RGS22: variants seen among roughly 807,000 people sequenced by gnomAD.
The protein encoded by RGS22 is regulator of G protein signaling 22, also known as regulator of G-protein signaling 22.
Under a neutral mutation model 172.9 loss-of-function variants are expected in RGS22, and 148 were observed. That is an observed-to-expected ratio of 0.86 (90% CI 0.75 to 0.98). The LOEUF is 0.98. RGS22 is among the 50% of genes least tolerant of loss of function. RGS22 has a pLI of 0.00. For missense variants in RGS22, 1,347 were observed against 1,440.8 expected (o/e 0.93, Z 1.05); for synonymous variants, 458 against 480.2 (o/e 0.95, Z 0.60).
intron 16 of RGS22, among the ~76,000 whole-genome samples, chr8:100,004,405 G>A (rs954702288): frequency 2.6e-5 from 4 of 151,876 alleles, no homozygotes; most frequent in African/African-American, 9.7e-5. Context: ...GAAGTAAAAT[G>A]TCTTTTGTAA....
chr8:100,075,226 T>C (rs1811266141), intron 4 of RGS22, among the ~76,000 whole-genome samples: 1 of 152,084 alleles, frequency 6.6e-6, no homozygotes, highest in East Asian at 1.9e-4. Context: ...GTGGGAGAGA[T>C]GTCTTGGTCA....
At chr8:100,026,137 T>A (rs1277371966) in intron 14 of RGS22, among the ~76,000 whole-genome samples, 1 of 152,116 alleles carries the variant, frequency 6.6e-6, no homozygotes, top group Non-Finnish European at 1.5e-5. Flanking sequence ...GATTTACTGG[T>A]TTGTACACTA....
At chr8:100,090,382 G>C (rs537989690) in intron 3 of RGS22, among the ~76,000 whole-genome samples, 1 of 152,112 alleles carries the variant, frequency 6.6e-6, no homozygotes, top group African/African-American at 2.4e-5. Flanking sequence ...GCTAGGGGAG[G>C]CAGGAAAGAG....
At chr8:100,053,126 C>A (rs1469694253) in intron 9 of RGS22, 150 bp from the exon 10 acceptor site, 7 of 693,284 alleles carry the variant, frequency 1.0e-5, no homozygotes, top group Middle Eastern at 3.9e-4. Context: ...TACTACATAG[C>A]CTTGAAAAAA....
chr8:100,052,686 T>A, intron 10 of RGS22, 116 bp downstream of exon 10: 1 of 962,760 alleles, frequency 1.0e-6, no homozygotes. Context: ...TTGCAGCTTG[T>A]ACATTAGCAA....
At chr8:99,998,071 AT>A (rs1319188719) in intron 19 of RGS22, among the ~76,000 whole-genome samples, 1 of 152,070 alleles carries the variant, frequency 6.6e-6, no homozygotes, top group Non-Finnish European at 1.5e-5. Context: ...TTTTAATCTC[AT>A]TTTTTAAGGA....
chr8:100,100,228 T>C (rs1325423535), intron 2 of RGS22, among the ~76,000 whole-genome samples: 2 of 152,152 alleles, frequency 1.3e-5, no homozygotes, highest in Admixed American at 1.3e-4. Flanking sequence ...CAATACCTAA[T>C]ACAATGTAAA....
At chr8:100,094,764 C>T (rs1812836554) in intron 2 of RGS22, among the ~76,000 whole-genome samples, 2 of 152,274 alleles carry the variant, frequency 1.3e-5, no homozygotes, top group South Asian at 4.1e-4. Context: ...CAAACTTTAC[C>T]TTTCAAAGTT....
At chr8:100,060,421 TACAC>T (rs1554629643) in intron 9 of RGS22, among the ~76,000 whole-genome samples, 71 of 119,428 alleles carry the variant, frequency 5.9e-4, no homozygotes, top group East Asian at 1.4e-3. Context: ...TATATATATA[TACAC>T]ACACACACAC....
intron 1 of RGS22, 193 bp downstream of exon 1, chr8:100,105,704 G>C (rs959913849): frequency 3.6e-6 from 2 of 559,782 alleles, no homozygotes; most frequent in African/African-American, 4.0e-5. Flanking sequence ...GCGAGATAAC[G>C]TGGTGCCAGC....
At chr8:99,978,644 A>T (rs530862207) in intron 22 of RGS22, among the ~76,000 whole-genome samples, 2 of 152,338 alleles carry the variant, frequency 1.3e-5, no homozygotes, top group African/African-American at 4.8e-5. Context: ...AAAAAGCAGA[A>T]CGGTATCCTG....
chr8:100,008,100 C>T (rs745558242), intron 15 of RGS22, among the ~76,000 whole-genome samples: 6 of 150,356 alleles, frequency 4.0e-5, no homozygotes, highest in East Asian at 3.9e-4. Flanking sequence ...TGCAATGGTG[C>T]GATCTTGGCT....
intron 14 of RGS22, among the ~76,000 whole-genome samples, chr8:100,021,268 A>G (rs1588992546): frequency 6.6e-6 from 1 of 152,358 alleles, no homozygotes; most frequent in Non-Finnish European, 1.5e-5. Flanking sequence ...TTAAAAAAAT[A>G]TACAGTAAAG....
intron 20 of RGS22, among the ~76,000 whole-genome samples, chr8:99,994,064 AC>A (rs1814071233): frequency 1.3e-5 from 2 of 152,138 alleles, no homozygotes; most frequent in Non-Finnish European, 2.9e-5. Context: ...AAATTCAGCA[AC>A]CCTTCATGCT....
At chr8:100,083,161 G>C (rs1188845560) in intron 3 of RGS22, among the ~76,000 whole-genome samples, 2 of 152,300 alleles carry the variant, frequency 1.3e-5, no homozygotes, top group African/African-American at 4.8e-5. Flanking sequence ...TGTAATGGTT[G>C]CTTGTCAGCT....
At chr8:99,963,744 A>G (rs1462567153) in intron 24 of RGS22, among the ~76,000 whole-genome samples, 1 of 152,182 alleles carries the variant, frequency 6.6e-6, no homozygotes, top group Non-Finnish European at 1.5e-5. Context: ...GAGGATGTGG[A>G]TAGGTTATAT....
chr8:100,104,666 T>C (rs944922467), intron 2 of RGS22, among the ~76,000 whole-genome samples: 2 of 152,124 alleles, frequency 1.3e-5, no homozygotes, highest in African/African-American at 2.4e-5. Flanking sequence ...TGTTTGTTGA[T>C]TGAAAGCCAA....
chr8:100,036,334 A>C lies in RGS22; in HGVS notation c.2166+2597T>G, dbSNP rs989354838. Among the ~76,000 whole-genome samples, 6 of 152,154 alleles carry C rather than the reference A, an allele frequency of 3.9e-5. No homozygotes were observed. In the South Asian group the frequency reaches 1.2e-3, roughly 32 times the overall value. On this transcript the variant is annotated intron_variant, in intron 14 of 27. Coordinates refer to ENST00000360863, the MANE Select transcript of RGS22 (RefSeq NM_015668.5). ...TTGGTTTCCAACTGTGTACTATTCT[A>C]TCTTGAAGCCATGTGGTGAAATCTT...
chr8:99,964,971 C>G (rs1810575607), intron 24 of RGS22, among the ~76,000 whole-genome samples: 1 of 152,186 alleles, frequency 6.6e-6, no homozygotes, highest in Non-Finnish European at 1.5e-5. Flanking sequence ...AAATTTGAGA[C>G]TAAGCATTTG....
Sources: gnomAD v4.1 joint callset for allele counts (sites outside exome capture counted in the v4.1 genomes callset) on GRCh38, gnomAD v4.1.1 for gene constraint, MANE v1.5 for transcripts, NCBI Gene and HGNC (gene_info 2026-07-23, HGNC 2026-07-21) for gene names.